The following PRICKLE2 variants were observed in gnomAD, a reference collection of about 807,000 sequenced individuals.
The protein encoded by PRICKLE2 is prickle-like protein 2.
A neutral mutation model predicts 81.4 loss-of-function variants in PRICKLE2; 21 were observed. The ratio of observed to expected loss-of-function variants is 0.26; its 90% CI spans 0.18 to 0.37. The LOEUF is 0.37. PRICKLE2 is among the 10% of genes least tolerant of loss of function. The pLI is 1.00. For missense variants in PRICKLE2, 940 were observed against 1,109.0 expected, an observed-to-expected ratio of 0.85 and a Z score of 2.16; for synonymous variants, 456 against 421.5, an observed-to-expected ratio of 1.08 and a Z score of -1.00.
intron 7 of PRICKLE2, chr3:64,106,129 A>C (rs1009602406): frequency 6.6e-6 from 1 of 152,206 alleles, no homozygotes; most frequent in African/African-American, 2.4e-5. Flanking sequence ...CCAAGGAAAG[A>C]AAGCATGCCT....
upstream of PRICKLE2, among the ~76,000 whole-genome samples, chr3:64,229,257 T>A (rs1018312406): frequency 3.3e-5 from 5 of 152,162 alleles, no homozygotes; most frequent in Non-Finnish European, 7.3e-5. Context: ...TCAAATCATC[T>A]TTCCATTCTA....
Position 64,093,625 on chromosome 3 carries a change from T to A in PRICKLE2, c.*5426A>T, listed in dbSNP as rs2076532229. 1 of 152,162 alleles carries A rather than the reference T, an allele frequency of 6.6e-6. No homozygotes were observed. The highest frequency in any genetic ancestry group is 1.5e-5 in the Non-Finnish European group (1 of 68,034). The allele number at this position is 152,162 out of a possible 1,614,324, so 9.4% of individuals were successfully genotyped here. ...GCTACTGGCATCTAGTGAGTAGAAG[T>A]CAGCGATGTTGCTAAACATCCTACA... On this transcript the variant is annotated 3_prime_UTR_variant, in exon 8 of 8. Transcript: ENST00000638394.
chr3:64,111,418 C>T (rs1309943101), intron 7 of PRICKLE2, among the ~76,000 whole-genome samples: 1 of 152,152 alleles, frequency 6.6e-6, no homozygotes, highest in Non-Finnish European at 1.5e-5. Flanking sequence ...GAACTCTTCT[C>T]CCACCTCCTG....
intron 2 of PRICKLE2, among the ~76,000 whole-genome samples, chr3:64,183,989 G>T (rs2078178523): frequency 6.6e-6 from 1 of 152,204 alleles, no homozygotes; most frequent in Non-Finnish European, 1.5e-5. Flanking sequence ...TACGTTCTCT[G>T]AGACTGTTTT....
chr3:64,208,980 C>G (rs1034549472), intron 1 of PRICKLE2, among the ~76,000 whole-genome samples: 2 of 152,056 alleles, frequency 1.3e-5, no homozygotes, highest in African/African-American at 4.8e-5. Context: ...ATCCATCCAT[C>G]CACCCATCTA....
At chr3:64,203,095 T>C (rs1160117191) in intron 1 of PRICKLE2, among the ~76,000 whole-genome samples, 3 of 152,204 alleles carry the variant, frequency 2.0e-5, no homozygotes, top group African/African-American at 7.2e-5. Context: ...AGAAACGAAA[T>C]CAGTTTAGTC....
chr3:64,219,071 C>A (rs1308876987), intron 1 of PRICKLE2, among the ~76,000 whole-genome samples: 1 of 152,164 alleles, frequency 6.6e-6, no homozygotes, highest in Non-Finnish European at 1.5e-5. Context: ...TCCCGCCATT[C>A]TCTGGGGGGC....
At chr3:64,261,233 A>G (rs960314539) in intron 2 of PRICKLE2, among the ~76,000 whole-genome samples, 2 of 152,192 alleles carry the variant, frequency 1.3e-5, no homozygotes, top group Non-Finnish European at 2.9e-5. Context: ...ACCCCCAGGA[A>G]GTAAGAGGGA....
At chr3:64,135,160 C>T (rs180766271) in intron 7 of PRICKLE2, among the ~76,000 whole-genome samples, 1 of 152,252 alleles carries the variant, frequency 6.6e-6, no homozygotes, top group Non-Finnish European at 1.5e-5. Context: ...CAAGAATATG[C>T]AAGAATCCCT....
chr3:64,230,161 C>CA (rs1223528563), upstream of PRICKLE2, among the ~76,000 whole-genome samples: 2 of 152,170 alleles, frequency 1.3e-5, no homozygotes, highest in African/African-American at 4.8e-5. Flanking sequence ...CTCATGACCT[C>CA]ACCCAGCTGC....
intron 7 of PRICKLE2, among the ~76,000 whole-genome samples, chr3:64,111,759 G>A (rs2076850475): frequency 6.6e-6 from 1 of 152,162 alleles, no homozygotes; most frequent in Non-Finnish European, 1.5e-5. Context: ...ACTTTGGAGA[G>A]GAAGGAAGAG....
intron 2 of PRICKLE2, among the ~76,000 whole-genome samples, chr3:64,176,798 C>T (rs1025145750): frequency 6.6e-6 from 1 of 152,210 alleles, no homozygotes; most frequent in South Asian, 2.1e-4. Flanking sequence ...TACTTTCAGC[C>T]TGAGTAACTT....
chr3:64,145,892 A>G lies in PRICKLE2; in HGVS notation c.1660+938T>C, dbSNP rs2077442056. 2.0e-5 allele frequency: 3 copies of G among 151,984 alleles called. No homozygotes were observed. The South Asian group carries it at 6.2e-4, about 32-fold the overall frequency. The allele number at this position is 151,984 out of a possible 1,614,324, so 9.4% of individuals were successfully genotyped here. On this transcript the variant is annotated intron_variant, in intron 7 of 7. Transcript: ENST00000638394. ...TTTTATAAGGGCATTAATCCCATTC[A>G]TGAGGTCTCCACTCTCATGACTTAA...
chr3:64,221,255 T>C (rs1018293416), intron 1 of PRICKLE2, among the ~76,000 whole-genome samples: 2 of 152,066 alleles, frequency 1.3e-5, no homozygotes, highest in Non-Finnish European at 2.9e-5. Flanking sequence ...CTTGCTTTTT[T>C]CTCCTCTGCC....
intron 2 of PRICKLE2, among the ~76,000 whole-genome samples, chr3:64,172,204 C>T (rs1284112628): frequency 6.6e-6 from 1 of 152,172 alleles, no homozygotes; most frequent in Non-Finnish European, 1.5e-5. Flanking sequence ...GGGGTTTGAA[C>T]ATTTTCTACT....
intron 2 of PRICKLE2, among the ~76,000 whole-genome samples, chr3:64,255,709 G>C (rs995539036): frequency 6.6e-6 from 1 of 152,162 alleles, no homozygotes; most frequent in Non-Finnish European, 1.5e-5. Context: ...TCAGTAGCAG[G>C]ATTCCAGTTT....
rs115199991 is a variant in PRICKLE2 at position 64,189,145 on chromosome 3, C to T, written c.144+9639G>A. ...TGAGTGCCCAGGTACGTGACGCTGT[C>T]TGTACCAGTAACATGAGAGCCCCTG... On this transcript the variant is annotated intron_variant, in intron 2 of 7. Transcript: ENST00000638394. Among the ~76,000 whole-genome samples, 791 of 152,260 alleles carry T rather than the reference C, an allele frequency of 5.2e-3. 3 individuals carry two copies. The highest frequency in any genetic ancestry group is 8.4e-3 in the Non-Finnish European group (571 of 68,022).
chr3:64,235,332 T>G (rs1436916778), intron 2 of PRICKLE2, among the ~76,000 whole-genome samples: 1 of 152,236 alleles, frequency 6.6e-6, no homozygotes, highest in African/African-American at 2.4e-5. Context: ...TGAACACATT[T>G]ATAATTGTTG....
chr3:64,242,319 C>T lies in PRICKLE2; in HGVS notation c.129-43352G>A, dbSNP rs549829890. Among the ~76,000 whole-genome samples the T allele has an allele frequency of 8.5e-4, 129 of 152,302 alleles. 1 individual carries two copies. The highest frequency in any genetic ancestry group is 1.8e-3 in the Admixed American group (27 of 15,296). On this transcript the variant is annotated intron_variant, in intron 2 of 8. Coordinates refer to the PRICKLE2 transcript ENST00000295902. ...TTTAACTTACATTTCATGAACTAAG[C>T]GCAGCATATCCAACTGCACATTTTC...
Sources: gnomAD v4.1 joint callset for allele counts (sites outside exome capture counted in the v4.1 genomes callset) on GRCh38, gnomAD v4.1.1 for gene constraint, MANE v1.5 for transcripts, NCBI Gene and HGNC (gene_info 2026-07-23, HGNC 2026-07-21) for gene names.